Variants in XPNPEP3 observed in about 807,000 individuals in gnomAD.
XPNPEP3 encodes xaa-Pro aminopeptidase 3.
A neutral mutation model predicts 60.0 loss-of-function variants in XPNPEP3; 41 were observed. The observed-to-expected ratio is 0.68, with a 90% CI of 0.53 to 0.89. XPNPEP3 has a LOEUF of 0.89. Among genes scored for constraint, XPNPEP3 ranks in the 40% least tolerant of loss-of-function variants. The pLI is 0.00. For missense variants in XPNPEP3, 598 were observed against 638.9 expected (o/e 0.94, Z 0.69); for synonymous variants, 212 against 223.2 (o/e 0.95, Z 0.45).
At position 40,893,518 on chromosome 22, in the gene XPNPEP3, A is replaced by G. The variant is rs901616366; in HGVS notation, c.792+7003A>G. On this transcript the variant is annotated intron_variant, in intron 4 of 9. Coordinates refer to ENST00000357137, the MANE Select transcript of XPNPEP3 (RefSeq NM_022098.4). ...GAAACTCTATCTCAAAAAAAAAAAA[A>G]AAAAAAAAAAGATGCATCCTGTGAA... Among the ~76,000 whole-genome samples the G allele has an allele frequency of 4.0e-5, 6 of 151,344 alleles. No individual in the cohort carries two copies. The East Asian group carries it at 1.2e-3, about 29-fold the overall frequency.
In XPNPEP3 at chr22:40,914,334, C is replaced by T. The variant is rs9607754; in HGVS notation, c.1055+10C>T. 14 of 1,611,554 alleles carry T rather than the reference C, an allele frequency of 8.7e-6. No homozygotes were observed. The highest frequency in any genetic ancestry group is 1.7e-4 in the Middle Eastern group (1 of 6,056). On this transcript the variant is annotated intron_variant, in intron 7 of 9. Transcript: ENST00000357137. ...GGCCAGTCAATGGCAGGTAGGGCTTCTACAGAGTAACGTATCCCACTGCTT... is the reference window on the plus strand; with the variant it reads ...GGCCAGTCAATGGCAGGTAGGGCTTTTACAGAGTAACGTATCCCACTGCTT...
chr22:40,858,974 C>T (rs2145762168), intron 1 of XPNPEP3, among the ~76,000 whole-genome samples: 1 of 152,162 alleles, frequency 6.6e-6, no homozygotes. Flanking sequence ...GGGGTCTTGC[C>T]ATGTTGCCCA....
intron 3 of XPNPEP3, 39 bp downstream of exon 3, chr22:40,882,216 T>G (rs2058051111): frequency 1.2e-6 from 2 of 1,611,796 alleles, no homozygotes; most frequent in Non-Finnish European, 8.5e-7. Flanking sequence ...CAAACCAGAT[T>G]GGGATTAAAA....
rs143228060 is a variant in XPNPEP3, at chr22:40,928,751, C to T, written c.*2316C>T. 6 of 152,264 alleles carry T rather than the reference C, an allele frequency of 3.9e-5. No individual in the cohort carries two copies. The highest frequency in any genetic ancestry group is 6.8e-3 in the Middle Eastern group (2 of 294). The allele number at this position is 152,264 out of a possible 1,614,324, so 9.4% of individuals were successfully genotyped here. A position where few individuals can be genotyped will look rare whatever the true frequency, so the allele number is the denominator to read the frequency against. ...AAAAAAACAATTTGTATTAGGGAAG[C>T]ACAAGCTAGGGGATTAACAATCTCT... On this transcript the variant is annotated 3_prime_UTR_variant, in exon 10 of 10. Coordinates refer to ENST00000357137, the MANE Select transcript of XPNPEP3 (RefSeq NM_022098.4).
intron 2 of XPNPEP3, among the ~76,000 whole-genome samples, chr22:40,873,910 A>G (rs1327552834): frequency 6.6e-6 from 1 of 152,246 alleles, no homozygotes; most frequent in Non-Finnish European, 1.5e-5. Context: ...AGTGGGTTAT[A>G]GATAATAATC....
chr22:40,871,455 T>C (rs2058005271), intron 2 of XPNPEP3, among the ~76,000 whole-genome samples: 1 of 152,248 alleles, frequency 6.6e-6, no homozygotes, highest in Non-Finnish European at 1.5e-5. Flanking sequence ...GTTTTGCATA[T>C]TTCTCTAATA....
At chr22:40,918,551 G>C (rs1466141288) in intron 7 of XPNPEP3, among the ~76,000 whole-genome samples, 2 of 151,916 alleles carry the variant, frequency 1.3e-5, no homozygotes, top group Non-Finnish European at 2.9e-5. Context: ...GGGCATGGTG[G>C]TGGGTGCCTG....
intron 2 of XPNPEP3, 35 bp downstream of exon 2, chr22:40,869,150 G>C: frequency 6.4e-7 from 1 of 1,557,698 alleles, no homozygotes; most frequent in East Asian, 2.2e-5. Context: ...TCCCCATTTA[G>C]GTTCTGTCTA....
At chr22:40,889,145 C>T (rs1233893162) in intron 4 of XPNPEP3, among the ~76,000 whole-genome samples, 2 of 152,034 alleles carry the variant, frequency 1.3e-5, no homozygotes, top group African/African-American at 2.4e-5. Flanking sequence ...ATACTCTTGC[C>T]TCAGCCTCCT....
intron 8 of XPNPEP3, among the ~76,000 whole-genome samples, chr22:40,923,458 C>T (rs1295116054): frequency 6.6e-6 from 1 of 151,946 alleles, no homozygotes. Flanking sequence ...TAGGCATCTC[C>T]TACCTACAAG....
At chr22:40,858,406 C>T (rs2057917725) in intron 1 of XPNPEP3, among the ~76,000 whole-genome samples, 1 of 152,066 alleles carries the variant, frequency 6.6e-6, no homozygotes, top group Non-Finnish European at 1.5e-5. Flanking sequence ...TTGAAAGGCT[C>T]TCCCCAGCCT....
At chr22:40,921,023 C>T (rs965921173) in intron 7 of XPNPEP3, among the ~76,000 whole-genome samples, 29 of 152,196 alleles carry the variant, frequency 1.9e-4, no homozygotes, top group Admixed American at 1.3e-4. Flanking sequence ...AACTCCCGAC[C>T]TCAGGTGATC....
intron 1 of XPNPEP3, among the ~76,000 whole-genome samples, chr22:40,867,197 AAC>A (rs1355372554): frequency 2.6e-5 from 4 of 152,306 alleles, no homozygotes; most frequent in South Asian, 2.1e-4. Flanking sequence ...TTATTTTACA[AAC>A]ACAGAATCAG....
intron 4 of XPNPEP3, chr22:40,907,018 C>G: frequency 1.8e-5 from 8 of 455,808 alleles, no homozygotes; most frequent in South Asian, 1.2e-4. Context: ...GTGATTTAAT[C>G]ACTACCCAAA....
At chr22:40,908,216 C>T (rs1442870025) in intron 5 of XPNPEP3, among the ~76,000 whole-genome samples, 1 of 127,322 alleles carries the variant, frequency 7.9e-6, no homozygotes, top group Non-Finnish European at 1.7e-5. Flanking sequence ...AAGACTGTTT[C>T]AAAAAAAAAA....
intron 4 of XPNPEP3, among the ~76,000 whole-genome samples, chr22:40,893,262 CT>C (rs2058095364): frequency 6.6e-6 from 1 of 150,446 alleles, no homozygotes; most frequent in South Asian, 2.1e-4. Flanking sequence ...AATCCCAGCA[CT>C]TTGGGAGGCC....
At chr22:40,896,957 G>A (rs1464083278) in intron 4 of XPNPEP3, among the ~76,000 whole-genome samples, 2 of 150,446 alleles carry the variant, frequency 1.3e-5, no homozygotes, top group African/African-American at 4.9e-5. Flanking sequence ...TCATGTTGTA[G>A]CATTTTTCAG....
At chr22:40,860,836 A>G in intron 1 of XPNPEP3, 1 of 637,994 alleles carries the variant, frequency 1.6e-6, no homozygotes, top group Non-Finnish European at 2.6e-6. Context: ...TTTTTTGTAG[A>G]GAAAAGATCT....
intron 4 of XPNPEP3, among the ~76,000 whole-genome samples, chr22:40,897,680 G>T (rs1459930629): frequency 6.6e-6 from 1 of 151,930 alleles, no homozygotes; most frequent in South Asian, 2.1e-4. Flanking sequence ...ACAGCAAATG[G>T]ACCATTTCAC....
Sources: allele counts gnomAD v4.1 joint callset (sites outside exome capture counted in the v4.1 genomes callset), GRCh38; gene constraint gnomAD v4.1.1; transcripts MANE v1.5; gene names NCBI Gene and HGNC (gene_info 2026-07-23, HGNC 2026-07-21).